The following PID1 variants were observed in gnomAD, a reference collection of about 807,000 sequenced individuals.
The protein encoded by PID1 is phosphotyrosine interaction domain containing 1, also known as PTB-containing, cubilin and LRP1-interacting protein.
Under a neutral mutation model 19.1 loss-of-function variants are expected in PID1, and 10 were observed. That is an observed-to-expected ratio of 0.52 (90% confidence interval 0.32 to 0.89). The LOEUF is 0.89. PID1 is among the 40% of genes least tolerant of loss of function. The probability of loss-of-function intolerance (pLI) is 0.03; values close to 1 mark genes in which losing one functional copy is unlikely to be tolerated. For missense variants in PID1, 248 were observed against 285.3 expected (o/e 0.87, Z 0.94); for synonymous variants, 130 against 116.0 (o/e 1.12, Z -0.78).
intron 2 of PID1, among the ~76,000 whole-genome samples, chr2:229,148,650 T>A (rs1426286378): frequency 6.6e-6 from 1 of 151,090 alleles, no homozygotes; most frequent in Non-Finnish European, 1.5e-5. Context: ...TAAATTCTTG[T>A]GGATGTAGAA....
At chr2:229,152,501 A>T (rs1205976594) in intron 2 of PID1, among the ~76,000 whole-genome samples, 2 of 152,196 alleles carry the variant, frequency 1.3e-5, no homozygotes, top group Non-Finnish European at 2.9e-5. Context: ...AACAAGCTGA[A>T]GCCACCTAGG....
At position 229,208,061 on chromosome 2, in the gene PID1, CT is replaced by C. The variant is rs554997196; in HGVS notation, c.31-52098del. Among the ~76,000 whole-genome samples, 189 of 152,256 alleles carry C rather than the reference CT, an allele frequency of 1.2e-3. 1 individual carries two copies. Among genetic ancestry groups the C allele is most frequent in the African/African-American group, 4.4e-3 (183 of 41,558 alleles). On this transcript the variant is annotated intron_variant, in intron 1 of 2. Coordinates refer to ENST00000392055, the MANE Select transcript of PID1 (RefSeq NM_001100818.2). ...GCTCCAGTTCCTGATTTGTTTTTCT[CT>C]TTTAATCACCACAAATAATCAGTTT... is the stretch of plus-strand genomic sequence containing the variant.
intron 1 of PID1, among the ~76,000 whole-genome samples, chr2:229,242,270 C>A (rs1689889230): frequency 6.6e-6 from 1 of 152,116 alleles, no homozygotes; most frequent in South Asian, 2.1e-4. Context: ...CCTGTTCTGC[C>A]TAATTAGAGG....
At chr2:229,109,285 T>C (rs1469474618) in intron 2 of PID1, among the ~76,000 whole-genome samples, 2 of 152,160 alleles carry the variant, frequency 1.3e-5, no homozygotes, top group Admixed American at 6.5e-5. Flanking sequence ...TTTCAAGCTC[T>C]TCGGGCTGCA....
chr2:229,081,934 T>C (rs771541999), intron 2 of PID1, among the ~76,000 whole-genome samples: 25 of 152,228 alleles, frequency 1.6e-4, no homozygotes, highest in Non-Finnish European at 3.7e-4. Flanking sequence ...ATTCTCAGTC[T>C]AGTACTTCCA....
rs1372618036 is a variant in PID1, at chr2:229,024,567, C to T, written c.*1065G>A. 1.3e-5 allele frequency: 2 copies of T among 152,620 alleles called. No individual in the cohort carries two copies. The highest frequency in any genetic ancestry group is 2.9e-5 in the Non-Finnish European group (2 of 68,042). 9.5% of individuals were successfully genotyped at this position (152,620 alleles called of 1,614,324 possible). A position where few individuals can be genotyped will look rare whatever the true frequency, so the allele number is the denominator to read the frequency against. On this transcript the variant is annotated 3_prime_UTR_variant, in exon 3 of 3. Coordinates refer to ENST00000392055, the MANE Select transcript of PID1 (RefSeq NM_001100818.2). ...GGTTAAGATGACATGGGTCTCTAGA[C>T]AAGCCAAGTTTATCTAACTCATTCT...
chr2:229,189,015 C>T (rs772498425), intron 1 of PID1, among the ~76,000 whole-genome samples: 1 of 152,068 alleles, frequency 6.6e-6, no homozygotes, highest in Non-Finnish European at 1.5e-5. Context: ...ATCAAAGGCA[C>T]GCCTGAAAAA....
intron 1 of PID1, among the ~76,000 whole-genome samples, chr2:229,230,859 AAATATAG>A (rs1423911087): frequency 1.9e-4 from 29 of 152,312 alleles, no homozygotes; most frequent in African/African-American, 7.0e-4. Flanking sequence ...ACACAATATA[AAATATAG>A]AATATAAGTA....
intron 2 of PID1, among the ~76,000 whole-genome samples, chr2:229,147,361 T>C (rs1291104077): frequency 6.6e-6 from 1 of 151,584 alleles, no homozygotes; most frequent in Non-Finnish European, 1.5e-5. Context: ...TAAAAAGTAT[T>C]ACTCATTCAG....
At chr2:229,065,722 A>AAAC (rs1553558539) in intron 2 of PID1, among the ~76,000 whole-genome samples, 4 of 151,044 alleles carry the variant, frequency 2.6e-5, no homozygotes, top group East Asian at 3.9e-4. Flanking sequence ...CAAAAAAAAA[A>AAAC]AAAAAAAAAA....
chr2:229,245,778 G>A (rs1057286929), intron 1 of PID1, among the ~76,000 whole-genome samples: 3 of 152,152 alleles, frequency 2.0e-5, no homozygotes, highest in Non-Finnish European at 4.4e-5. Flanking sequence ...AGAAGTTTGT[G>A]TAACTTGCCC....
chr2:229,085,251 A>G (rs1311503719), intron 2 of PID1, among the ~76,000 whole-genome samples: 1 of 151,654 alleles, frequency 6.6e-6, no homozygotes, highest in Non-Finnish European at 1.5e-5. Flanking sequence ...GAGCAAGTAC[A>G]GGTATTGTCT....
intron 2 of PID1, among the ~76,000 whole-genome samples, chr2:229,069,311 G>A (rs756909675): frequency 1.3e-5 from 2 of 152,182 alleles, no homozygotes; most frequent in East Asian, 1.9e-4. Context: ...GGGTTAGTGA[G>A]TTTTAGGTTC....
At chr2:229,118,237 G>T (rs563670294) in intron 2 of PID1, among the ~76,000 whole-genome samples, 1 of 152,248 alleles carries the variant, frequency 6.6e-6, no homozygotes, top group South Asian at 2.1e-4. Flanking sequence ...TGTAGACACA[G>T]AATAATGACA....
At chr2:229,270,524 T>C (rs2106298975) in intron 1 of PID1, among the ~76,000 whole-genome samples, 1 of 151,170 alleles carries the variant, frequency 6.6e-6, no homozygotes, top group South Asian at 2.1e-4. Flanking sequence ...AACCAATGAA[T>C]AGGGAAAAAT....
At chr2:229,084,113 GT>G (rs1000529207) in intron 2 of PID1, among the ~76,000 whole-genome samples, 1 of 152,148 alleles carries the variant, frequency 6.6e-6, no homozygotes, top group African/African-American at 2.4e-5. Flanking sequence ...CTGACACAGT[GT>G]TTATTACTGT....
intron 2 of PID1, among the ~76,000 whole-genome samples, chr2:229,114,119 C>CTCTCTCTCTCTCTG: frequency 7.3e-6 from 1 of 137,580 alleles, no homozygotes; most frequent in South Asian, 2.5e-4. Flanking sequence ...CTCTTTCTCT[C>CTCTCTCTCTCTCTG]TCTCTCTCTC....
intron 1 of PID1, among the ~76,000 whole-genome samples, chr2:229,244,087 A>C (rs970808047): frequency 6.6e-6 from 1 of 152,174 alleles, no homozygotes; most frequent in Non-Finnish European, 1.5e-5. Context: ...ATAAGAATAA[A>C]GCAAAAACTA....
At chr2:229,242,934 G>A (rs143505076) in intron 1 of PID1, among the ~76,000 whole-genome samples, 18 of 152,226 alleles carry the variant, frequency 1.2e-4, no homozygotes, top group African/African-American at 4.3e-4. Flanking sequence ...ACAGCTCTGT[G>A]AAGATTCTTC....
Sources: gnomAD v4.1 joint callset for allele counts (sites outside exome capture counted in the v4.1 genomes callset) on GRCh38, gnomAD v4.1.1 for gene constraint, MANE v1.5 for transcripts, NCBI Gene and HGNC (gene_info 2026-07-23, HGNC 2026-07-21) for gene names.